DCLK1: variants seen among roughly 807,000 people sequenced by gnomAD.
DCLK1 encodes doublecortin like kinase 1.
DCLK1 carries 16 observed loss-of-function variants against 86.2 expected under a neutral mutation model. That is an observed-to-expected ratio of 0.19 (90% CI 0.13 to 0.28). DCLK1 has a LOEUF of 0.28. Ranked by LOEUF, DCLK1 falls within the 10% of genes least tolerant of loss-of-function variation. DCLK1 has a pLI of 1.00. For missense variants in DCLK1, 590 were observed against 940.2 expected (o/e 0.63, Z 4.87); for synonymous variants, 369 against 370.5 (o/e 1.00, Z 0.05).
chr13:35,949,860 G>A (rs969319289), intron 3 of DCLK1, among the ~76,000 whole-genome samples: 12 of 96,016 alleles, frequency 1.2e-4, no homozygotes, highest in South Asian at 3.2e-4. Context: ...GAAATGAAAC[G>A]TGATGAAATT....
intron 3 of DCLK1, among the ~76,000 whole-genome samples, chr13:35,959,796 C>T (rs981617829): frequency 6.6e-6 from 1 of 151,688 alleles, no homozygotes; most frequent in Non-Finnish European, 1.5e-5. Context: ...GGGTAGGGCA[C>T]AATCAAGACC....
rs547893594 is a variant in DCLK1 at position 35,796,527 on chromosome 13, G to A, written c.1945-3048C>T. On this transcript the variant is annotated intron_variant, in intron 15 of 16. Transcript: ENST00000360631. ...CGGGGGAGGGAAGTTAGAAGAGCAC[G>A]GCAGGGCGAGGAAGGTGACACAAGT... 3.9e-5 allele frequency among the ~76,000 whole-genome samples: 6 copies of A among 152,230 alleles called. No homozygotes were observed. The East Asian group carries it at 9.7e-4, about 25-fold the overall frequency.
At chr13:36,084,293 T>A (rs528763438) in intron 3 of DCLK1, among the ~76,000 whole-genome samples, 1 of 152,280 alleles carries the variant, frequency 6.6e-6, no homozygotes, top group South Asian at 2.1e-4. Context: ...CCCAGACAGT[T>A]CATGATTCTT....
At chr13:35,851,605 G>A (rs1369627316) in intron 6 of DCLK1, among the ~76,000 whole-genome samples, 1 of 152,074 alleles carries the variant, frequency 6.6e-6, no homozygotes, top group Non-Finnish European at 1.5e-5. Context: ...ATTAAGAAAT[G>A]GGACCAAAAA....
intron 5 of DCLK1, among the ~76,000 whole-genome samples, chr13:35,856,446 G>A (rs865934241): frequency 1.3e-5 from 2 of 152,152 alleles, no homozygotes; most frequent in Non-Finnish European, 2.9e-5. Context: ...TTACCCACCC[G>A]CATTCTACTG....
chr13:35,928,214 G>A (rs560173998), intron 4 of DCLK1, among the ~76,000 whole-genome samples: 27 of 152,270 alleles, frequency 1.8e-4, no homozygotes, highest in Middle Eastern at 3.4e-3. Flanking sequence ...GTCCTGAAGC[G>A]TGGGCAGCCT....
At chr13:35,945,188 C>T in intron 4 of DCLK1, among the ~76,000 whole-genome samples, 1 of 152,210 alleles carries the variant, frequency 6.6e-6, no homozygotes, top group East Asian at 1.9e-4. Context: ...GCGTGAGCCA[C>T]TGCACCCAGC....
intron 3 of DCLK1, among the ~76,000 whole-genome samples, chr13:35,967,150 G>A (rs2153138543): frequency 6.6e-6 from 1 of 151,840 alleles, no homozygotes; most frequent in Admixed American, 6.5e-5. Flanking sequence ...CCTCTGCCCG[G>A]CCGCCACCCC....
At chr13:35,816,804 C>T (rs1473316347) in intron 11 of DCLK1, among the ~76,000 whole-genome samples, 2 of 152,114 alleles carry the variant, frequency 1.3e-5, no homozygotes, top group African/African-American at 4.8e-5. Flanking sequence ...TCCATATATA[C>T]CGTTTGGGTT....
In DCLK1 at chr13:36,126,123, T is replaced by G. The variant is rs1886173323; in HGVS notation, c.15A>C (p.Arg5Ser). 6.3e-7 allele frequency: 1 copy of G among 1,594,630 alleles called. No homozygotes were observed. The highest frequency in any genetic ancestry group is 8.5e-7 in the Non-Finnish European group (1 of 1,170,720). Residue 5 changes from arginine (R) to serine (S), a missense_variant, in exon 2 of 17, where the codon AGA becomes AGC. Transcript: ENST00000360631. The part of the protein sequence containing the change: MSFG[R>S]DMELEHFDER... ...CGTCGAAGTGCTCCAGCTCCATGTC[T>G]CTGCCGAAGGACATGATGGACTTCA...
At chr13:36,068,022 A>G (rs1593861078) in intron 3 of DCLK1, among the ~76,000 whole-genome samples, 2 of 152,346 alleles carry the variant, frequency 1.3e-5, no homozygotes, top group Middle Eastern at 3.4e-3. Context: ...AAATTTTTCA[A>G]GTACAGAAAG....
At chr13:36,051,191 TC>T (rs1309660618) in intron 3 of DCLK1, among the ~76,000 whole-genome samples, 1 of 152,154 alleles carries the variant, frequency 6.6e-6, no homozygotes, top group Non-Finnish European at 1.5e-5. Flanking sequence ...TTTTCTGATC[TC>T]CCCTTCTTAG....
At chr13:35,948,039 C>T (rs1275131861) in intron 3 of DCLK1, among the ~76,000 whole-genome samples, 2 of 152,192 alleles carry the variant, frequency 1.3e-5, no homozygotes, top group Non-Finnish European at 2.9e-5. Flanking sequence ...CCAAGCTCTG[C>T]CAAACTCTAA....
chr13:35,976,525 G>GTTTTTCTTTTT, intron 3 of DCLK1, among the ~76,000 whole-genome samples: 1 of 56,372 alleles, frequency 1.8e-5, no homozygotes, highest in African/African-American at 6.2e-5. Context: ...CTTCTCCGAG[G>GTTTTTCTTTTT]TTTTTTTTTT....
At chr13:35,880,375 C>T (rs182274904) in intron 4 of DCLK1, among the ~76,000 whole-genome samples, 3 of 152,264 alleles carry the variant, frequency 2.0e-5, no homozygotes, top group Admixed American at 6.5e-5. Context: ...AAGCATGGCC[C>T]GTGATCAGGC....
chr13:35,996,725 C>G (rs1880496330), intron 3 of DCLK1, among the ~76,000 whole-genome samples: 1 of 148,240 alleles, frequency 6.7e-6, no homozygotes. Context: ...ATACACACAA[C>G]CTATTGGTTC....
intron 3 of DCLK1, among the ~76,000 whole-genome samples, chr13:36,029,029 A>C (rs1166200844): frequency 6.6e-6 from 1 of 152,240 alleles, no homozygotes; most frequent in Non-Finnish European, 1.5e-5. Context: ...GCTGACCAGC[A>C]GCCCTTGGGG....
intron 8 of DCLK1, among the ~76,000 whole-genome samples, chr13:35,833,705 C>T (rs938076951): frequency 3.1e-4 from 47 of 152,334 alleles, no homozygotes; most frequent in African/African-American, 1.1e-3. Context: ...CTTCCAAACA[C>T]AGCAGAATGT....
intron 3 of DCLK1, among the ~76,000 whole-genome samples, chr13:36,033,267 G>A (rs142627003): frequency 0.013 from 2,032 of 152,212 alleles, 25 homozygotes; most frequent in Non-Finnish European, 0.021. Context: ...TTTTGTTATT[G>A]CCCATGTAAT....
Sources: allele counts gnomAD v4.1 joint callset (sites outside exome capture counted in the v4.1 genomes callset), GRCh38; gene constraint gnomAD v4.1.1; transcripts MANE v1.5; gene names NCBI Gene and HGNC (gene_info 2026-07-23, HGNC 2026-07-21).